The following TTF2 variants were observed in gnomAD, a reference collection of about 807,000 sequenced individuals.
The protein encoded by TTF2 is transcription termination factor 2, also known as RNA polymerase II termination factor.
A neutral mutation model predicts 142.4 loss-of-function variants in TTF2; 108 were observed. The ratio of observed to expected loss-of-function variants is 0.76; its 90% CI spans 0.65 to 0.89. The LOEUF (loss-of-function observed/expected upper bound fraction) is 0.89. Ranked by LOEUF, TTF2 falls within the 40% of genes least tolerant of loss-of-function variation. TTF2 has a pLI of 0.00. For synonymous variants in TTF2, 483 were observed against 506.2 expected, an observed-to-expected ratio of 0.95 and a Z score of 0.61; for missense variants, 1,327 against 1,379.8, an observed-to-expected ratio of 0.96 and a Z score of 0.61.
chr1:117,067,008 G>A (rs147286212), intron 3 of TTF2, among the ~76,000 whole-genome samples: 8 of 152,190 alleles, frequency 5.3e-5, no homozygotes, highest in Middle Eastern at 3.4e-3. Flanking sequence ...TGGCCAAATT[G>A]TGTCTTATTT....
At chr1:117,074,342 A>C (rs536394783) in intron 4 of TTF2, among the ~76,000 whole-genome samples, 2 of 152,320 alleles carry the variant, frequency 1.3e-5, no homozygotes, top group Admixed American at 1.3e-4. Context: ...CACTGTGGCC[A>C]TTGTGATTGT....
At chr1:117,091,499 C>G in intron 16 of TTF2, 89 bp downstream of exon 16, 1 of 1,353,786 alleles carries the variant, frequency 7.4e-7, no homozygotes, top group Non-Finnish European at 1.0e-6. Flanking sequence ...GTTATGAATC[C>G]TTGGTATCAG....
rs1353649497 is a variant in TTF2, at chr1:117,087,569, A to G, written c.2160+1047A>G. ...CGGCCTCCCAAAGTGCTGGGATTAT[A>G]GGCATGAGCCACCATGCCTGGCCAT... On this transcript the variant is annotated intron_variant, in intron 12 of 22. Coordinates refer to ENST00000369466, the MANE Select transcript of TTF2 (RefSeq NM_003594.4). This position sits in a 1 kb window ranked among gnomAD's most constrained non-coding sequence, Gnocchi z 4.8. 6.6e-6 allele frequency among the ~76,000 whole-genome samples: 1 copy of G among 152,176 alleles called. No individual in the cohort carries two copies. The highest frequency in any genetic ancestry group is 1.5e-5 in the Non-Finnish European group (1 of 68,038).
chr1:117,096,835 G>T (rs188417424), intron 20 of TTF2, among the ~76,000 whole-genome samples: 1 of 152,368 alleles, frequency 6.6e-6, no homozygotes, highest in African/African-American at 2.4e-5. Context: ...TAACAGCAGA[G>T]CTGGTTAGGT....
rs1484716586 is a variant in TTF2, at chr1:117,100,050, T to C, written c.3344+1143T>C. 6.6e-6 allele frequency among the ~76,000 whole-genome samples: 1 copy of C among 152,264 alleles called. No homozygotes were observed. Among genetic ancestry groups the C allele is most frequent in the East Asian group, 1.9e-4 (1 of 5,204 alleles). Reference sequence around the variant, plus strand: ...ATCCGAGTGTCCACATACTCATCTGTTATTCCTTCTTTTATTCATTGTTCT... The same window carrying C: ...ATCCGAGTGTCCACATACTCATCTGCTATTCCTTCTTTTATTCATTGTTCT... On this transcript the variant is annotated intron_variant, in intron 22 of 22. Transcript: ENST00000369466. This position sits in a 1 kb window ranked among gnomAD's most constrained non-coding sequence, Gnocchi z 4.6.
intron 3 of TTF2, among the ~76,000 whole-genome samples, chr1:117,072,313 A>G (rs767452779): frequency 6.6e-6 from 1 of 151,748 alleles, no homozygotes; most frequent in Non-Finnish European, 1.5e-5. Context: ...CTTGTTCTAT[A>G]TGTATCCTAT....
At chr1:117,084,269 G>A (rs1454913058) in intron 11 of TTF2, 101 bp downstream of exon 11, 9 of 1,455,518 alleles carry the variant, frequency 6.2e-6, no homozygotes, top group African/African-American at 1.4e-5. Flanking sequence ...ATCAGGACGC[G>A]TATTTGTGAA....
At chr1:117,078,649 A>ATCAG (rs1485952233) in intron 8 of TTF2, among the ~76,000 whole-genome samples, 3 of 152,228 alleles carry the variant, frequency 2.0e-5, no homozygotes, top group African/African-American at 7.2e-5. Context: ...GATGTTACTG[A>ATCAG]GTAGGAGCCT....
In TTF2 at chr1:117,104,962, T is replaced by A. The variant is rs1490731234; in HGVS notation, c.*3438T>A. The A allele has an allele frequency of 6.6e-6, 1 of 152,236 alleles. No homozygotes were observed. The highest frequency in any genetic ancestry group is 6.5e-5 in the Admixed American group (1 of 15,278). 9.4% of individuals were successfully genotyped at this position (152,236 alleles called of 1,614,324 possible). A position where few individuals can be genotyped will look rare whatever the true frequency, so the allele number is the denominator to read the frequency against. On this transcript the variant is annotated 3_prime_UTR_variant, in exon 23 of 23. Coordinates refer to ENST00000369466, the MANE Select transcript of TTF2 (RefSeq NM_003594.4). Reference sequence around the variant, plus strand: ...GTATGACAAGGTGGGTCTTTGCACCTTCTAGCGATGGGCAGCATCCCACAA... The same window carrying A: ...GTATGACAAGGTGGGTCTTTGCACCATCTAGCGATGGGCAGCATCCCACAA...
Position 117,100,312 on chromosome 1 carries a change from T to C in TTF2, c.3345-1068T>C, listed in dbSNP as rs1253317518. Among the ~76,000 whole-genome samples, 3 of 152,210 alleles carry C rather than the reference T, an allele frequency of 2.0e-5. No individual in the cohort carries two copies. Among genetic ancestry groups the C allele is most frequent in the Non-Finnish European group, 4.4e-5 (3 of 68,040 alleles). ...TTTTCCACTTACCAAGTCCTTTAGT[T>C]ATATTTTCTAAATGTTTCTGATAAC... is the stretch of plus-strand genomic sequence containing the variant. On this transcript the variant is annotated intron_variant, in intron 22 of 22. Coordinates refer to ENST00000369466, the MANE Select transcript of TTF2 (RefSeq NM_003594.4). The surrounding 1 kb of genome is among the most constrained non-coding windows in gnomAD (Gnocchi z 4.6).
rs527525704 is a variant in TTF2 at position 117,101,577 on chromosome 1, C to T, written c.*53C>T. ...CACCATTGCTGGTTTGTATTAGGAT[C>T]TGGGAATAACAACCTAACCATGAGC... On this transcript the variant is annotated 3_prime_UTR_variant, in exon 23 of 23. Coordinates refer to ENST00000369466, the MANE Select transcript of TTF2 (RefSeq NM_003594.4). This position sits in a 1 kb window ranked among gnomAD's most constrained non-coding sequence, Gnocchi z 5.9. 1.4e-6 allele frequency: 2 copies of T among 1,478,186 alleles called. No homozygotes were observed. Among genetic ancestry groups the T allele is most frequent in the East Asian group, 4.8e-5 (2 of 41,666 alleles). 91.6% of individuals were successfully genotyped at this position (1,478,186 alleles called of 1,614,324 possible).
Position 117,090,017 on chromosome 1 carries a change from C to T in TTF2, c.2343-38C>T. On this transcript the variant is annotated intron_variant, in intron 13 of 22. Coordinates refer to ENST00000369466, the MANE Select transcript of TTF2 (RefSeq NM_003594.4). The surrounding 1 kb of genome is among the most constrained non-coding windows in gnomAD (Gnocchi z 4.8). ...CTTTATTCCATTCTCCCTGACTTTT[C>T]CTTCCCTACTCTGTGCCCTTCTTCC... is the stretch of plus-strand genomic sequence containing the variant. 6.3e-7 allele frequency: 1 copy of T among 1,586,428 alleles called. No individual in the cohort carries two copies. Among genetic ancestry groups the T allele is most frequent in the Non-Finnish European group, 8.6e-7 (1 of 1,167,110 alleles).
In TTF2 at chr1:117,090,780, T is replaced by G. The variant is rs1648510600; in HGVS notation, c.2588+157T>G. ...TTTTTTTACCCCATTTTTCTCCTTC[T>G]CCCCTCCCCAGCTTACCTCTGTCTC... On this transcript the variant is annotated intron_variant, in intron 15 of 22. Transcript: ENST00000369466. The surrounding 1 kb of genome is among the most constrained non-coding windows in gnomAD (Gnocchi z 4.8). 6.6e-6 allele frequency among the ~76,000 whole-genome samples: 1 copy of G among 151,878 alleles called. No individual in the cohort carries two copies. Among genetic ancestry groups the G allele is most frequent in the African/African-American group, 2.4e-5 (1 of 41,308 alleles).
In TTF2 at chr1:117,090,259, T is replaced by C. The variant is rs1401621142; in HGVS notation, c.2496+51T>C. 2 of 1,588,678 alleles carry C rather than the reference T, an allele frequency of 1.3e-6. No homozygotes were observed. Among genetic ancestry groups the C allele is most frequent in the Non-Finnish European group, 1.7e-6 (2 of 1,168,008 alleles). On this transcript the variant is annotated intron_variant, in intron 14 of 22. Coordinates refer to ENST00000369466, the MANE Select transcript of TTF2 (RefSeq NM_003594.4). This position sits in a 1 kb window ranked among gnomAD's most constrained non-coding sequence, Gnocchi z 4.8. ...GGGGAGGCCAGGGAAGGAACATGAC[T>C]GTGTCCTTGTCTTGGGTTGAACAGC...
Position 117,101,534 on chromosome 1 carries a change from GA to G in TTF2, c.*11del. 6.3e-7 allele frequency: 1 copy of G among 1,580,472 alleles called. No individual in the cohort carries two copies. The highest frequency in any genetic ancestry group is 8.5e-7 in the Non-Finnish European group (1 of 1,170,556). ...CCTTTTTGGCATCTAACCTCCTGTG[GA>G]TAAGGGCTCAGAATAGCACCATTGC... is the stretch of plus-strand genomic sequence containing the variant. On this transcript the variant is annotated 3_prime_UTR_variant, in exon 23 of 23. Transcript: ENST00000369466. This position sits in a 1 kb window ranked among gnomAD's most constrained non-coding sequence, Gnocchi z 5.9.
chr1:117,077,490 G>A (rs535718666), intron 7 of TTF2, among the ~76,000 whole-genome samples: 162 of 152,222 alleles, frequency 1.1e-3, no homozygotes, highest in African/African-American at 3.9e-3. Flanking sequence ...TTATTCTTTC[G>A]TGTGTGTGTA....
rs1190876418 is a variant in TTF2 at position 117,105,066 on chromosome 1, C to T, written c.*3542C>T. On this transcript the variant is annotated 3_prime_UTR_variant, in exon 23 of 23. Transcript: ENST00000369466. The surrounding 1 kb of genome is among the most constrained non-coding windows in gnomAD (Gnocchi z 4.7). ...CTTCCTTCATGTCACAATACTGCTGCTGGATTTGCTTTTTACATCTGCCTA... is the reference window on the plus strand; with the variant it reads ...CTTCCTTCATGTCACAATACTGCTGTTGGATTTGCTTTTTACATCTGCCTA... 6.6e-6 allele frequency: 1 copy of T among 152,222 alleles called. No homozygotes were observed. The highest frequency in any genetic ancestry group is 1.5e-5 in the Non-Finnish European group (1 of 68,084). The allele number at this position is 152,222 out of a possible 1,614,324, so 9.4% of individuals were successfully genotyped here.
Position 117,107,431 on chromosome 1 carries a change from A to C in TTF2, c.*5907A>C, listed in dbSNP as rs769777861. The C allele has an allele frequency of 6.6e-6, 1 of 152,246 alleles. No homozygotes were observed. The highest frequency in any genetic ancestry group is 1.5e-5 in the Non-Finnish European group (1 of 68,050). 9.4% of individuals were successfully genotyped at this position (152,246 alleles called of 1,614,324 possible). ...ATCACTGAAACCTCCAACTGAAATA[A>C]ATGGTAAGCTTTTTGTTCTCAATTC... On this transcript the variant is annotated 3_prime_UTR_variant, in exon 23 of 23. Coordinates refer to ENST00000369466, the MANE Select transcript of TTF2 (RefSeq NM_003594.4).
chr1:117,078,675 T>G (rs1302282554), intron 8 of TTF2, among the ~76,000 whole-genome samples: 1 of 152,138 alleles, frequency 6.6e-6, no homozygotes, highest in Non-Finnish European at 1.5e-5. Context: ...TGATGAAGGA[T>G]TAGATCTGAA....
Sources: allele counts gnomAD v4.1 joint callset (sites outside exome capture counted in the v4.1 genomes callset), GRCh38; gene constraint gnomAD v4.1.1; non-coding constraint Gnocchi (gnomAD v3.1); transcripts MANE v1.5; gene names NCBI Gene and HGNC (gene_info 2026-07-23, HGNC 2026-07-21).